Variants in NRP1 observed in about 807,000 individuals in gnomAD.
NRP1 encodes the protein neuropilin 1, also known as neuropilin-1.
A neutral mutation model predicts 106.7 loss-of-function variants in NRP1; 35 were observed. The observed-to-expected ratio is 0.33, with a 90% CI of 0.25 to 0.43. The LOEUF (loss-of-function observed/expected upper bound fraction) is 0.43. Among genes scored for constraint, NRP1 ranks in the 20% least tolerant of loss-of-function variants. The pLI, the probability that NRP1 is intolerant of heterozygous loss-of-function variation, is 1.00. For missense variants in NRP1, 1,024 were observed against 1,170.4 expected, an observed-to-expected ratio of 0.87 and a Z score of 1.83; for synonymous variants, 437 against 417.9, an observed-to-expected ratio of 1.05 and a Z score of -0.56.
chr10:33,288,375 T>G (rs1934774464), intron 2 of NRP1: 1 of 152,216 alleles, frequency 6.6e-6, no homozygotes, highest in Non-Finnish European at 1.5e-5. Context: ...CCACTACTGA[T>G]CACCATGGGA....
At chr10:33,322,520 A>T (rs1457480766) in intron 2 of NRP1, among the ~76,000 whole-genome samples, 1 of 152,106 alleles carries the variant, frequency 6.6e-6, no homozygotes, top group Non-Finnish European at 1.5e-5. Context: ...AAGCACTGGG[A>T]TTACAGGTGT....
intron 2 of NRP1, among the ~76,000 whole-genome samples, chr10:33,321,154 T>G (rs1323183421): frequency 6.6e-6 from 1 of 152,140 alleles, no homozygotes; most frequent in Non-Finnish European, 1.5e-5. Flanking sequence ...ATCTGGCTAA[T>G]TTTTGCATTT....
chr10:33,210,320 A>T (rs1170290715), intron 9 of NRP1, among the ~76,000 whole-genome samples: 1 of 152,120 alleles, frequency 6.6e-6, no homozygotes, highest in East Asian at 1.9e-4. Context: ...TGTCAGTAGG[A>T]TACTAATTAT....
chr10:33,197,595 C>T (rs749852353), intron 12 of NRP1, 55 bp downstream of exon 12: 3 of 1,407,844 alleles, frequency 2.1e-6, no homozygotes, highest in East Asian at 2.4e-5. Flanking sequence ...GGAGCGCAGC[C>T]GCGGAGAGAA....
chr10:33,190,310 T>A (rs1836318869), intron 13 of NRP1, among the ~76,000 whole-genome samples: 1 of 152,234 alleles, frequency 6.6e-6, no homozygotes, highest in East Asian at 1.9e-4. Context: ...ATTACTGCCT[T>A]CATTTTGGCT....
intron 15 of NRP1, among the ~76,000 whole-genome samples, chr10:33,184,653 A>G (rs140362419): frequency 5.3e-5 from 8 of 152,362 alleles, no homozygotes; most frequent in Middle Eastern, 3.4e-3. Context: ...TAAATAGTGC[A>G]GCACTAAGCA....
intron 2 of NRP1, among the ~76,000 whole-genome samples, chr10:33,278,949 T>A (rs1479673949): frequency 6.6e-6 from 1 of 152,022 alleles, no homozygotes; most frequent in Admixed American, 6.5e-5. Context: ...CAAGGTATTA[T>A]GAAAATGAAG....
chr10:33,273,256 C>A (rs1843444561), intron 2 of NRP1, among the ~76,000 whole-genome samples: 1 of 152,136 alleles, frequency 6.6e-6, no homozygotes, highest in Non-Finnish European at 1.5e-5. Context: ...AAGTACTATC[C>A]AACAGGGCCC....
At chr10:33,282,655 A>G (rs1588914657) in intron 2 of NRP1, among the ~76,000 whole-genome samples, 1 of 152,198 alleles carries the variant, frequency 6.6e-6, no homozygotes, top group East Asian at 1.9e-4. Context: ...AAAAAAGCAA[A>G]AAATAGTTGA....
intron 6 of NRP1, among the ~76,000 whole-genome samples, chr10:33,243,012 G>A (rs1168082927): frequency 6.6e-6 from 1 of 152,120 alleles, no homozygotes. Context: ...AGTCTGTAAT[G>A]GTGGGTAAGC....
At chr10:33,244,297 C>T (rs561565186) in intron 6 of NRP1, among the ~76,000 whole-genome samples, 8 of 152,170 alleles carry the variant, frequency 5.3e-5, no homozygotes, top group South Asian at 2.1e-4. Flanking sequence ...ACCTCACACG[C>T]GACATAAATG....
At chr10:33,215,009 T>C (rs772967058) in intron 8 of NRP1, among the ~76,000 whole-genome samples, 3 of 152,226 alleles carry the variant, frequency 2.0e-5, no homozygotes, top group Non-Finnish European at 4.4e-5. Flanking sequence ...GTAAATTTTA[T>C]GTTATGTATA....
At chr10:33,267,959 A>C (rs951711272) in intron 3 of NRP1, among the ~76,000 whole-genome samples, 3 of 152,152 alleles carry the variant, frequency 2.0e-5, no homozygotes, top group African/African-American at 7.2e-5. Context: ...GTGACCTCAC[A>C]CCGGAAACCT....
chr10:33,263,547 GT>G (rs907346184), intron 4 of NRP1, 98 bp downstream of exon 4: 11 of 832,830 alleles, frequency 1.3e-5, no homozygotes, highest in Non-Finnish European at 1.9e-5. Context: ...TCCTTTTGAG[GT>G]TTTTTTTAAT....
At chr10:33,210,913 CT>C (rs1838249627) in intron 9 of NRP1, among the ~76,000 whole-genome samples, 1 of 152,070 alleles carries the variant, frequency 6.6e-6, no homozygotes, top group African/African-American at 2.4e-5. Flanking sequence ...TTACCCATTT[CT>C]TTTTTCGTCT....
intron 2 of NRP1, among the ~76,000 whole-genome samples, chr10:33,310,123 GT>G (rs1251606903): frequency 1.3e-5 from 2 of 150,074 alleles, no homozygotes; most frequent in African/African-American, 4.9e-5. Flanking sequence ...AATTTTTTTT[GT>G]ATTTTTAGTA....
intron 2 of NRP1, among the ~76,000 whole-genome samples, chr10:33,274,222 T>C (rs550233755): frequency 1.3e-5 from 2 of 152,222 alleles, no homozygotes; most frequent in East Asian, 3.9e-4. Context: ...TTTTCATGAG[T>C]GTCCCTGGCT....
chr10:33,197,571 G>T, intron 12 of NRP1, 79 bp downstream of exon 12: 3 of 1,116,910 alleles, frequency 2.7e-6, no homozygotes, highest in South Asian at 1.6e-5. Context: ...GACTTTCAGA[G>T]AAACTGAAAG....
chr10:33,296,208 G>A (rs1478331466), intron 2 of NRP1, among the ~76,000 whole-genome samples: 1 of 152,162 alleles, frequency 6.6e-6, no homozygotes, highest in Non-Finnish European at 1.5e-5. Flanking sequence ...CCTTAAGTTG[G>A]GGAAATACTG....
Sources: allele counts gnomAD v4.1 joint callset (sites outside exome capture counted in the v4.1 genomes callset), GRCh38; gene constraint gnomAD v4.1.1; transcripts MANE v1.5; gene names NCBI Gene and HGNC (gene_info 2026-07-23, HGNC 2026-07-21).